R3HDM2: variants seen among roughly 807,000 people sequenced by gnomAD.
R3HDM2 encodes R3H domain-containing protein 2.
Under a neutral mutation model 124.5 loss-of-function variants are expected in R3HDM2, and 38 were observed. The ratio of observed to expected loss-of-function variants is 0.31; its 90% confidence interval spans 0.24 to 0.40. The LOEUF (loss-of-function observed/expected upper bound fraction) is 0.40, where lower values mean the gene tolerates loss of function less well. Ranked by LOEUF, R3HDM2 falls within the 10% of genes least tolerant of loss-of-function variation. The pLI, the probability that R3HDM2 is intolerant of heterozygous loss-of-function variation, is 1.00. For synonymous variants in R3HDM2, 391 were observed against 448.0 expected (o/e 0.87, Z 1.61); for missense variants, 869 against 1,236.9 (o/e 0.70, Z 4.46).
intron 1 of R3HDM2, among the ~76,000 whole-genome samples, chr12:57,423,830 A>G (rs1210415933): frequency 6.8e-6 from 1 of 147,400 alleles, no homozygotes; most frequent in Non-Finnish European, 1.5e-5. Context: ...AAAAAAAAAA[A>G]AAGGCCAGGT....
At chr12:57,274,272 G>A (rs1233220789) in intron 14 of R3HDM2, among the ~76,000 whole-genome samples, 4 of 152,010 alleles carry the variant, frequency 2.6e-5, no homozygotes, top group African/African-American at 4.8e-5. Context: ...CACCTGAGTC[G>A]AGACCAGCCT....
At chr12:57,320,076 C>G (rs759761050) in intron 2 of R3HDM2, among the ~76,000 whole-genome samples, 3 of 151,486 alleles carry the variant, frequency 2.0e-5, no homozygotes, top group Non-Finnish European at 4.4e-5. Flanking sequence ...CTGGCCAACA[C>G]GGTGAAACCC....
At position 57,404,853 on chromosome 12, in the gene R3HDM2, ATT is replaced by A. The variant is rs1176921819; in HGVS notation, c.-105-9037_-105-9036del. 9.2e-5 allele frequency among the ~76,000 whole-genome samples: 14 copies of A among 152,232 alleles called. No homozygotes were observed. The East Asian group carries it at 2.7e-3, about 29-fold the overall frequency. The stretch of plus-strand genomic sequence containing the variant: ...AAAAACATAATGAGACCCCATCTGT[ATT>A]TGTAAAATACAGATTTTACAAAAAA... On this transcript the variant is annotated intron_variant, in intron 1 of 23. Coordinates refer to ENST00000402412, the MANE Select transcript of R3HDM2 (RefSeq NM_001394031.1).
At chr12:57,421,330 T>C (rs1175167804) in intron 1 of R3HDM2, among the ~76,000 whole-genome samples, 2 of 151,198 alleles carry the variant, frequency 1.3e-5, no homozygotes, top group Non-Finnish European at 2.9e-5. Context: ...TTTGTATTTT[T>C]AGTAGAGATG....
rs1483146680 is a variant in R3HDM2 at position 57,382,574 on chromosome 12, C to G, written c.-36+13175G>C. On this transcript the variant is annotated intron_variant, in intron 2 of 23. Transcript: ENST00000402412. ...AAAAAAAAAAAAAAGGGCTGGCTCA[C>G]ACCTGTAATCCCAGCACTTTGGGAG... Among the ~76,000 whole-genome samples, 5 of 148,478 alleles carry G rather than the reference C, an allele frequency of 3.4e-5. No individual in the cohort carries two copies. The South Asian group carries it at 6.3e-4, about 19-fold the overall frequency.
chr12:57,360,047 ATTT>A (rs57288626), intron 2 of R3HDM2, among the ~76,000 whole-genome samples: 43,250 of 112,492 alleles, frequency 0.38, 8,666 homozygotes, highest in Middle Eastern at 0.7. Flanking sequence ...ATATATATAT[ATTT>A]TTTTTTTTTT....
intron 2 of R3HDM2, among the ~76,000 whole-genome samples, chr12:57,392,466 A>T (rs1453931960): frequency 6.6e-6 from 1 of 152,182 alleles, no homozygotes; most frequent in Admixed American, 6.5e-5. Flanking sequence ...ATCTGACAGG[A>T]GGCTGAGTTC....
intron 2 of R3HDM2, among the ~76,000 whole-genome samples, chr12:57,311,223 TTATATA>T (rs906914579): frequency 6.7e-6 from 1 of 149,190 alleles, no homozygotes; most frequent in South Asian, 2.1e-4. Flanking sequence ...CTATAAAATC[TTATATA>T]TATATATATA....
intron 1 of R3HDM2, among the ~76,000 whole-genome samples, chr12:57,427,838 C>T (rs1868315829): frequency 6.6e-6 from 1 of 151,920 alleles, no homozygotes; most frequent in South Asian, 2.1e-4. Flanking sequence ...CGCAGTGGCT[C>T]ACACCTGTAA....
At chr12:57,312,237 T>C (rs911787440) in intron 2 of R3HDM2, among the ~76,000 whole-genome samples, 5 of 151,964 alleles carry the variant, frequency 3.3e-5, no homozygotes, top group East Asian at 1.9e-4. Flanking sequence ...GACCCAGAAG[T>C]CTTTCAAGAA....
At chr12:57,306,835 T>C (rs2052702182) in intron 3 of R3HDM2, among the ~76,000 whole-genome samples, 1 of 152,074 alleles carries the variant, frequency 6.6e-6, no homozygotes, top group South Asian at 2.1e-4. Flanking sequence ...GCCAACATGG[T>C]GAAACCCTGC....
chr12:57,295,705 T>C (rs2049642304), intron 9 of R3HDM2, 198 bp from the exon 10 acceptor site: 2 of 539,926 alleles, frequency 3.7e-6, no homozygotes, highest in Middle Eastern at 4.4e-4. Flanking sequence ...CTTCTCTTCC[T>C]CCATAGTTAT....
intron 4 of R3HDM2, among the ~76,000 whole-genome samples, chr12:57,302,141 C>T (rs989000992): frequency 6.6e-6 from 1 of 152,000 alleles, no homozygotes; most frequent in African/African-American, 2.4e-5. Flanking sequence ...ATTAGCCTGG[C>T]CTAGTGGTGT....
intron 2 of R3HDM2, among the ~76,000 whole-genome samples, chr12:57,335,103 T>C (rs747621953): frequency 6.6e-6 from 1 of 151,514 alleles, no homozygotes; most frequent in Non-Finnish European, 1.5e-5. Flanking sequence ...GATTGGGCCA[T>C]TGCACTCCAG....
At position 57,381,817 on chromosome 12, in the gene R3HDM2, A is replaced by C. The variant is rs540648061; in HGVS notation, c.-36+13932T>G. ...AGAGAGGGGATAGAGATAGAGAGAG[A>C]GAGAGACAGAGACATAAACACACAG... On this transcript the variant is annotated intron_variant, in intron 2 of 23. Transcript: ENST00000402412. Among the ~76,000 whole-genome samples, 5 of 152,026 alleles carry C rather than the reference A, an allele frequency of 3.3e-5. No homozygotes were observed. The East Asian group carries it at 9.7e-4, about 29-fold the overall frequency.
At chr12:57,345,503 ACACAC>A (rs1223369326) in intron 2 of R3HDM2, among the ~76,000 whole-genome samples, 2 of 378 alleles carry the variant, frequency 5.3e-3, no homozygotes, top group African/African-American at 6.7e-3. Flanking sequence ...TCTTTTATAC[ACACAC>A]ACACACACAC....
chr12:57,271,207 T>G (rs2043517857), intron 14 of R3HDM2, among the ~76,000 whole-genome samples: 1 of 152,188 alleles, frequency 6.6e-6, no homozygotes, highest in African/African-American at 2.4e-5. Flanking sequence ...TCTCTGACAC[T>G]AGCCTAGAAT....
chr12:57,410,240 G>C (rs994623584), intron 1 of R3HDM2, among the ~76,000 whole-genome samples: 1 of 146,082 alleles, frequency 6.8e-6, no homozygotes, highest in Non-Finnish European at 1.5e-5. Flanking sequence ...CCTTTTATCT[G>C]CCATTTCTTG....
At chr12:57,364,262 G>A (rs2137692756) in intron 2 of R3HDM2, among the ~76,000 whole-genome samples, 1 of 148,984 alleles carries the variant, frequency 6.7e-6, no homozygotes, top group East Asian at 2.0e-4. Context: ...ATTATCCTGT[G>A]TCGGCCTCCA....
Sources: gnomAD v4.1 joint callset for allele counts (sites outside exome capture counted in the v4.1 genomes callset) on GRCh38, gnomAD v4.1.1 for gene constraint, MANE v1.5 for transcripts, NCBI Gene and HGNC (gene_info 2026-07-23, HGNC 2026-07-21) for gene names.